The following FSHR variants were observed in gnomAD, a reference collection of about 807,000 sequenced individuals.
FSHR encodes the protein follicle stimulating hormone receptor, also known as follicle-stimulating hormone receptor.
FSHR carries 46 observed loss-of-function variants against 52.1 expected under a neutral mutation model. That is an observed-to-expected ratio of 0.88 (90% confidence interval 0.70 to 1.13). The LOEUF is 1.13. Among genes scored for constraint, FSHR ranks in the 50% most tolerant of loss-of-function variants. FSHR has a pLI of 0.00. For synonymous variants in FSHR, 399 were observed against 309.6 expected, an observed-to-expected ratio of 1.29 and a Z score of -3.03; for missense variants, 964 against 834.6, an observed-to-expected ratio of 1.16 and a Z score of -1.91.
At position 49,154,359 on chromosome 2, in the gene FSHR, T is replaced by C. The variant is rs1005743334; in HGVS notation, c.59A>G (p.His20Arg). The C allele has an allele frequency of 3.1e-6, 5 of 1,613,612 alleles. No homozygotes were observed. Among genetic ancestry groups the C allele is most frequent in the Non-Finnish European group, 2.5e-6 (3 of 1,179,928 alleles). The change falls in exon 1 of 10, where the codon CAT becomes CGT. Residue 20 changes from histidine (H) to arginine (R), a missense_variant. Physicochemically the swap from His to Arg is conservative, Grantham distance 29. Coordinates refer to ENST00000406846, the MANE Select transcript of FSHR (RefSeq NM_000145.4). Reference sequence around the variant, plus strand: ...CCTGTTAGAGCAGTGACAGATCCGATGATGACATCCTGAGCCCAAGCTCAG... The same window carrying C: ...CCTGTTAGAGCAGTGACAGATCCGACGATGACATCCTGAGCCCAAGCTCAG... ...AFLSLGSGCH[H>R]RICHCSNRVF...
intron 1 of FSHR, among the ~76,000 whole-genome samples, chr2:49,086,675 C>T (rs569829159): frequency 6.6e-6 from 1 of 152,172 alleles, no homozygotes; most frequent in South Asian, 2.1e-4. Flanking sequence ...AAGTCTTGCT[C>T]TTTTGCCGAG....
chr2:49,107,352 C>T (rs2103742436), intron 1 of FSHR, among the ~76,000 whole-genome samples: 1 of 152,214 alleles, frequency 6.6e-6, no homozygotes, highest in Non-Finnish European at 1.5e-5. Context: ...CCTGCTTAGG[C>T]TCTGCTAAGA....
intron 1 of FSHR, among the ~76,000 whole-genome samples, chr2:49,075,479 G>T (rs567813014): frequency 1.4e-3 from 217 of 152,006 alleles, no homozygotes; most frequent in Non-Finnish European, 2.6e-3. Flanking sequence ...TCTTTGGAAG[G>T]ATTAAGACTA....
At chr2:48,967,271 AT>A (rs959804576) in intron 9 of FSHR, among the ~76,000 whole-genome samples, 11 of 151,432 alleles carry the variant, frequency 7.3e-5, no homozygotes, top group African/African-American at 2.4e-4. Flanking sequence ...AATTTTGTTC[AT>A]TTTTTTTGTA....
intron 2 of FSHR, among the ~76,000 whole-genome samples, chr2:49,034,370 G>T (rs998644654): frequency 2.0e-5 from 3 of 152,182 alleles, no homozygotes; most frequent in Non-Finnish European, 4.4e-5. Context: ...AAAGAATGTG[G>T]TTAACTTCCC....
At chr2:49,141,306 A>T (rs1299756136) in intron 1 of FSHR, among the ~76,000 whole-genome samples, 1 of 152,118 alleles carries the variant, frequency 6.6e-6, no homozygotes, top group African/African-American at 2.4e-5. Context: ...TAAGGAAAAG[A>T]GGTTTAATTG....
At chr2:49,048,176 G>A (rs912213551) in intron 2 of FSHR, among the ~76,000 whole-genome samples, 3 of 152,082 alleles carry the variant, frequency 2.0e-5, no homozygotes, top group African/African-American at 7.2e-5. Flanking sequence ...GTGAGCCATC[G>A]TGGCCAGCCT....
intron 8 of FSHR, among the ~76,000 whole-genome samples, chr2:48,972,506 T>C (rs1674787344): frequency 1.3e-5 from 2 of 152,338 alleles, no homozygotes; most frequent in African/African-American, 4.8e-5. Flanking sequence ...ATTTCCAACT[T>C]TTTTCTTTGC....
chr2:49,099,449 C>T (rs1169211226), intron 1 of FSHR, among the ~76,000 whole-genome samples: 1 of 152,066 alleles, frequency 6.6e-6, no homozygotes. Flanking sequence ...TTATAAATTA[C>T]CCAGTCTCAG....
intron 1 of FSHR, among the ~76,000 whole-genome samples, chr2:49,079,165 G>C (rs982915918): frequency 2.6e-5 from 4 of 151,768 alleles, no homozygotes; most frequent in Non-Finnish European, 4.4e-5. Context: ...CAAGAAATTA[G>C]TCTAAGAAAA....
intron 4 of FSHR, among the ~76,000 whole-genome samples, chr2:49,003,554 C>T (rs1666979648): frequency 6.6e-6 from 1 of 152,026 alleles, no homozygotes; most frequent in Non-Finnish European, 1.5e-5. Context: ...TATTCCTGTA[C>T]CAGGATCTTA....
chr2:49,008,631 A>C (rs1307888087), intron 4 of FSHR, among the ~76,000 whole-genome samples: 22 of 142,806 alleles, frequency 1.5e-4, no homozygotes, highest in African/African-American at 5.5e-4. Context: ...GAACTAGTTT[A>C]CAGTCCCACC....
In FSHR at chr2:49,038,639, A is replaced by AATT. The variant is rs1340347763; in HGVS notation, c.225-18480_225-18479insAAT. Among the ~76,000 whole-genome samples, 10 of 73,628 alleles carry AATT rather than the reference A, an allele frequency of 1.4e-4. 1 individual carries two copies. The highest frequency in any genetic ancestry group is 2.7e-4 in the Non-Finnish European group (9 of 33,800). 48.3% of individuals were successfully genotyped at this position (73,628 alleles called of 152,430 possible). On this transcript the variant is annotated intron_variant, in intron 2 of 9. Coordinates refer to ENST00000406846, the MANE Select transcript of FSHR (RefSeq NM_000145.4). ...GACTCTGTCTCAAAATAATAATAAT[A>AATT]ATAATAATAATAATAATAATAATAA...
intron 2 of FSHR, among the ~76,000 whole-genome samples, chr2:49,030,670 G>A (rs1047609159): frequency 3.3e-5 from 5 of 152,094 alleles, no homozygotes; most frequent in Admixed American, 2.6e-4. Flanking sequence ...ACCCTTATGA[G>A]TGCCCTGCAT....
At chr2:49,127,357 G>C (rs970041886) in intron 1 of FSHR, among the ~76,000 whole-genome samples, 11 of 151,388 alleles carry the variant, frequency 7.3e-5, no homozygotes, top group African/African-American at 2.2e-4. Context: ...AACAGAAAAA[G>C]ATTCTTCCAG....
chr2:49,026,463 C>T (rs546185268), intron 2 of FSHR, among the ~76,000 whole-genome samples: 18 of 152,092 alleles, frequency 1.2e-4, no homozygotes, highest in Non-Finnish European at 2.1e-4. Flanking sequence ...CATCCTTAGC[C>T]CCTTTTACAG....
At chr2:49,069,482 C>G (rs561406860) in intron 1 of FSHR, among the ~76,000 whole-genome samples, 1 of 152,248 alleles carries the variant, frequency 6.6e-6, no homozygotes, top group Admixed American at 6.6e-5. Flanking sequence ...CATAGCAATT[C>G]TGACATGTTA....
At chr2:49,055,556 A>AAAAAAAAAAAC (rs1669028713) in intron 2 of FSHR, among the ~76,000 whole-genome samples, 1 of 119,670 alleles carries the variant, frequency 8.4e-6, no homozygotes, top group South Asian at 3.0e-4. Flanking sequence ...AAAAAAAAAA[A>AAAAAAAAAAAC]AAAAAAACCC....
intron 1 of FSHR, among the ~76,000 whole-genome samples, chr2:49,130,739 A>G (rs1672234814): frequency 6.6e-6 from 1 of 152,184 alleles, no homozygotes; most frequent in Non-Finnish European, 1.5e-5. Flanking sequence ...TAGGAAAATG[A>G]CATTCACCCA....
Sources: allele counts gnomAD v4.1 joint callset (sites outside exome capture counted in the v4.1 genomes callset), GRCh38; gene constraint gnomAD v4.1.1; transcripts MANE v1.5; gene names NCBI Gene and HGNC (gene_info 2026-07-23, HGNC 2026-07-21).